Variants in CEP57 observed in about 807,000 individuals in gnomAD.
CEP57 encodes the protein centrosomal protein of 57 kDa.
Under a neutral mutation model 68.0 loss-of-function variants are expected in CEP57, and 40 were observed. The ratio of observed to expected loss-of-function variants is 0.59; its 90% CI spans 0.46 to 0.77. CEP57 has a LOEUF of 0.77. Ranked by LOEUF, CEP57 falls within the 30% of genes least tolerant of loss-of-function variation. The probability of loss-of-function intolerance (pLI) is 0.00; values close to 1 mark genes in which losing one functional copy is unlikely to be tolerated. For synonymous variants in CEP57, 219 were observed against 198.7 expected (o/e 1.10, Z -0.86); for missense variants, 606 against 580.7 (o/e 1.04, Z -0.45).
At chr11:95,798,829 A>G (rs545286957) in intron 1 of CEP57, among the ~76,000 whole-genome samples, 1 of 152,216 alleles carries the variant, frequency 6.6e-6, no homozygotes, top group African/African-American at 2.4e-5. Context: ...ATAAATATTC[A>G]AGTAGTAGTT....
At chr11:95,818,082 T>G (rs980502524) in intron 5 of CEP57, 179 bp downstream of exon 5, 3 of 586,604 alleles carry the variant, frequency 5.1e-6, no homozygotes, top group Non-Finnish European at 6.1e-6. Context: ...ACAATCTTGG[T>G]GGGCATTTTT....
chr11:95,794,787 AT>A (rs1861270232), intron 1 of CEP57, among the ~76,000 whole-genome samples: 5 of 151,674 alleles, frequency 3.3e-5, no homozygotes, highest in South Asian at 2.1e-4. Flanking sequence ...ATTCTTCTAT[AT>A]TTTTTTCCTA....
intron 2 of CEP57, among the ~76,000 whole-genome samples, chr11:95,808,370 T>C (rs1861903280): frequency 6.6e-6 from 1 of 151,528 alleles, no homozygotes; most frequent in South Asian, 2.1e-4. Context: ...CATAACAATA[T>C]TAACCTTAAA....
chr11:95,795,519 G>A (rs1178640027), intron 1 of CEP57: 1 of 490,240 alleles, frequency 2.0e-6, no homozygotes, highest in Non-Finnish European at 3.6e-6. Flanking sequence ...TTCTTAGTGT[G>A]CAGACTAGGG....
intron 2 of CEP57, among the ~76,000 whole-genome samples, chr11:95,810,561 A>T (rs950824346): frequency 6.6e-6 from 1 of 152,206 alleles, no homozygotes; most frequent in Admixed American, 6.5e-5. Context: ...CCAATAACAG[A>T]CACACAGCCA....
chr11:95,813,411 T>A, intron 3 of CEP57, 57 bp from the exon 4 acceptor site: 1 of 1,591,228 alleles, frequency 6.3e-7, no homozygotes, highest in Non-Finnish European at 8.5e-7. Flanking sequence ...GTTAACAGCT[T>A]GTTAAAACTA....
intron 7 of CEP57, 137 bp from the exon 8 acceptor site, chr11:95,822,362 C>T: frequency 1.4e-6 from 1 of 702,760 alleles, no homozygotes; most frequent in Non-Finnish European, 2.5e-6. Context: ...TAGGAGCTGG[C>T]TTGTGATCAT....
intron 6 of CEP57, among the ~76,000 whole-genome samples, chr11:95,821,236 T>C (rs1862506701): frequency 6.6e-6 from 1 of 152,152 alleles, no homozygotes; most frequent in African/African-American, 2.4e-5. Flanking sequence ...AAAAGGAAAG[T>C]TGAAAGTTGG....
intron 1 of CEP57, 25 bp from the exon 2 acceptor site, chr11:95,799,206 AG>A (rs1479566528): frequency 6.2e-7 from 1 of 1,613,252 alleles, no homozygotes; most frequent in South Asian, 1.1e-5. Context: ...CACTTTTGAA[AG>A]GTAATTTGTG....
chr11:95,826,828 T>A (rs1216676217), intron 8 of CEP57: 1 of 152,236 alleles, frequency 6.6e-6, no homozygotes, highest in Non-Finnish European at 1.5e-5. Context: ...TTTTGAATAG[T>A]GGACCAGCCT....
intron 2 of CEP57, among the ~76,000 whole-genome samples, chr11:95,799,673 C>G (rs768272544): frequency 3.9e-5 from 6 of 152,068 alleles, no homozygotes; most frequent in Non-Finnish European, 5.9e-5. Context: ...TGAAATATAC[C>G]AAAAGCATAC....
rs759919170 is a variant in CEP57 at position 95,827,945 on chromosome 11, A to C, written c.1045A>C (p.Thr349Pro). Residue 349 changes from threonine (T) to proline (P), a missense_variant, in exon 9 of 11, where the codon ACA becomes CCA. Thr to Pro is a conservative substitution (Grantham distance 38). Transcript: ENST00000325542. ...RGGKSKKLSV[T>P]PPSSNGINEE... ...TGGTAAAAGTAAGAAGTTGTCAGTAACACCTCCCTCCTCCAACGGTATTAA... is the reference window on the plus strand; with the variant it reads ...TGGTAAAAGTAAGAAGTTGTCAGTACCACCTCCCTCCTCCAACGGTATTAA... The C allele has an allele frequency of 1.9e-6, 3 of 1,614,040 alleles. No individual in the cohort carries two copies.
intron 4 of CEP57, among the ~76,000 whole-genome samples, chr11:95,816,583 A>G (rs1215363779): frequency 2.6e-5 from 4 of 152,232 alleles, no homozygotes; most frequent in East Asian, 1.9e-4. Context: ...AATATCCACT[A>G]GGATGTGGCT....
At chr11:95,795,991 C>A (rs1302696278) in intron 1 of CEP57, among the ~76,000 whole-genome samples, 1 of 152,196 alleles carries the variant, frequency 6.6e-6, no homozygotes, top group African/African-American at 2.4e-5. Context: ...AAAGACCTTC[C>A]TTTACCATAC....
At position 95,831,298 on chromosome 11, in the gene CEP57, T is replaced by C; in HGVS notation, c.*42T>C. ...AAATTTTATTCAGATAATCTGTACCTCATCAATCAGATGATGACAATTTAC... is the reference window on the plus strand; with the variant it reads ...AAATTTTATTCAGATAATCTGTACCCCATCAATCAGATGATGACAATTTAC... On this transcript the variant is annotated 3_prime_UTR_variant, in exon 11 of 11. Coordinates refer to ENST00000325542, the MANE Select transcript of CEP57 (RefSeq NM_014679.5). 1 of 1,342,606 alleles carries C rather than the reference T, an allele frequency of 7.4e-7. No individual in the cohort carries two copies. Among genetic ancestry groups the C allele is most frequent in the Non-Finnish European group, 1.1e-6 (1 of 938,466 alleles). 83.2% of individuals were successfully genotyped at this position (1,342,606 alleles called of 1,614,324 possible). A position where few individuals can be genotyped will look rare whatever the true frequency, so the allele number is the denominator to read the frequency against.
At chr11:95,790,435 T>G (rs191394966), upstream of CEP57, 676 of 570,760 alleles carry the variant, frequency 1.2e-3, 6 homozygotes, top group African/African-American at 0.012. Flanking sequence ...GATTCTCTCC[T>G]ACTACAGAAA....
chr11:95,818,728 G>A, intron 5 of CEP57, 99 bp from the exon 6 acceptor site: 1 of 899,086 alleles, frequency 1.1e-6, no homozygotes, highest in Non-Finnish European at 1.8e-6. Context: ...ACCTTATATT[G>A]AGTAGGATAA....
Position 95,829,147 on chromosome 11 carries a change from C to T in CEP57, c.1128-40C>T, listed in dbSNP as rs145987036. 5.6e-3 allele frequency: 8,937 copies of T among 1,609,910 alleles called. 75 individuals carry two copies. The highest frequency in any genetic ancestry group is 5.0e-3 in the Non-Finnish European group (5,857 of 1,177,848). ...GTATAATAGACCTAACCATGAAACA[C>T]AGAAAACTTAACCATGTTCTACTTC... On this transcript the variant is annotated intron_variant, in intron 9 of 10. Transcript: ENST00000325542.
At chr11:95,801,288 C>T (rs1226063262) in intron 2 of CEP57, among the ~76,000 whole-genome samples, 3 of 151,880 alleles carry the variant, frequency 2.0e-5, no homozygotes, top group Non-Finnish European at 2.9e-5. Context: ...TAATCACTAA[C>T]CTAGAAGCCT....
Sources: gnomAD v4.1 joint callset for allele counts (sites outside exome capture counted in the v4.1 genomes callset) on GRCh38, gnomAD v4.1.1 for gene constraint, MANE v1.5 for transcripts, NCBI Gene and HGNC (gene_info 2026-07-23, HGNC 2026-07-21) for gene names.